CFAP20DC: variants seen among roughly 807,000 people sequenced by gnomAD.
CFAP20DC encodes protein CFAP20DC.
Under a neutral mutation model 101.7 loss-of-function variants are expected in CFAP20DC, and 84 were observed. That is an observed-to-expected ratio of 0.83 (90% CI 0.69 to 0.99). The LOEUF is 0.99. Ranked by LOEUF, CFAP20DC falls within the 50% of genes least tolerant of loss-of-function variation. The pLI, the probability that CFAP20DC is intolerant of heterozygous loss-of-function variation, is 0.00. For synonymous variants in CFAP20DC, 359 were observed against 351.2 expected (o/e 1.02, Z -0.25); for missense variants, 1,007 against 970.3 (o/e 1.04, Z -0.50).
intron 14 of CFAP20DC, among the ~76,000 whole-genome samples, chr3:58,808,165 C>A (rs1441283778): frequency 6.6e-6 from 1 of 152,106 alleles, no homozygotes; most frequent in African/African-American, 2.4e-5. Flanking sequence ...GGAGAACTTC[C>A]CCAATCTAGC....
chr3:58,945,210 T>C (rs538611411), intron 4 of CFAP20DC, among the ~76,000 whole-genome samples: 38 of 152,302 alleles, frequency 2.5e-4, no homozygotes, highest in Admixed American at 2.5e-3. Context: ...AGATTTAAAC[T>C]CAGATCTAAT....
At chr3:59,023,864 C>G (rs1001563026) in intron 4 of CFAP20DC, among the ~76,000 whole-genome samples, 3 of 152,122 alleles carry the variant, frequency 2.0e-5, no homozygotes, top group African/African-American at 7.2e-5. Flanking sequence ...GAAGGTTGAA[C>G]CATATCAGTG....
rs1404319004 is a variant in CFAP20DC at position 58,864,753 on chromosome 3, T to C, written c.1259-861A>G. On this transcript the variant is annotated intron_variant, in intron 11 of 16. Transcript: ENST00000482387. The surrounding 1 kb of genome is among the most constrained non-coding windows in gnomAD (Gnocchi z 4.7). ...TTCACAGACTAAACCAAGCAGACTT[T>C]TCAAGTAATAGTAAATTCACAGAAA... Among the ~76,000 whole-genome samples the C allele has an allele frequency of 6.6e-6, 1 of 152,192 alleles. No individual in the cohort carries two copies. The highest frequency in any genetic ancestry group is 1.5e-5 in the Non-Finnish European group (1 of 68,040).
chr3:58,851,998 C>T (rs1282210533), intron 12 of CFAP20DC, among the ~76,000 whole-genome samples: 2 of 152,260 alleles, frequency 1.3e-5, no homozygotes, highest in African/African-American at 4.8e-5. Context: ...AGCAGATGTT[C>T]TTGTTCTTTC....
At chr3:58,807,417 G>A (rs999786360) in intron 14 of CFAP20DC, among the ~76,000 whole-genome samples, 2 of 152,164 alleles carry the variant, frequency 1.3e-5, no homozygotes, top group Non-Finnish European at 2.9e-5. Flanking sequence ...ATGAAAATCC[G>A]CTGTTCTGCA....
rs1166901693 is a variant in CFAP20DC, at chr3:58,788,752, C to G, written c.2237+17643G>C. ...TCCTTTTAGCCTTGTGACCTTTGAG[C>G]CAAACTCTGTGTCTCTTGTTTCCAC... On this transcript the variant is annotated intron_variant, in intron 15 of 16. Coordinates refer to ENST00000482387, the MANE Select transcript of CFAP20DC (RefSeq NM_001394063.1). This position sits in a 1 kb window ranked among gnomAD's most constrained non-coding sequence, Gnocchi z 4.2. 6.6e-6 allele frequency among the ~76,000 whole-genome samples: 1 copy of G among 152,038 alleles called. No homozygotes were observed. The highest frequency in any genetic ancestry group is 1.5e-5 in the Non-Finnish European group (1 of 67,992).
rs989413636 is a variant in CFAP20DC, at chr3:58,869,507, C to A, written c.853-17G>T. The A allele has an allele frequency of 6.4e-7, 1 of 1,566,576 alleles. No individual in the cohort carries two copies. The highest frequency in any genetic ancestry group is 1.9e-5 in the Admixed American group (1 of 53,226). On this transcript the variant is annotated splice_polypyrimidine_tract_variant and intron_variant, in intron 8 of 16. Transcript: ENST00000482387. The surrounding 1 kb of genome is among the most constrained non-coding windows in gnomAD (Gnocchi z 4.3). ...TCTCACTGTCTGTAAAGGAATTAAT[C>A]TGTACATTTTAAAATATAGCAACTA...
chr3:58,958,274 T>TA (rs2090824189), intron 4 of CFAP20DC, among the ~76,000 whole-genome samples: 1 of 152,166 alleles, frequency 6.6e-6, no homozygotes, highest in Non-Finnish European at 1.5e-5. Context: ...CATATAAACG[T>TA]AAAAAAATAT....
chr3:59,009,611 G>A (rs867198359), intron 4 of CFAP20DC, among the ~76,000 whole-genome samples: 3 of 152,098 alleles, frequency 2.0e-5, no homozygotes, highest in South Asian at 2.1e-4. Flanking sequence ...TGGTGTTCCC[G>A]AGGAAGAAGA....
At chr3:58,816,502 C>G (rs1475342424) in intron 14 of CFAP20DC, among the ~76,000 whole-genome samples, 4 of 152,192 alleles carry the variant, frequency 2.6e-5, no homozygotes, top group Non-Finnish European at 5.9e-5. Context: ...TCAGGGAGTT[C>G]CCTTTCCGAG....
chr3:59,026,802 C>T (rs1231043454), intron 4 of CFAP20DC, among the ~76,000 whole-genome samples: 1 of 152,064 alleles, frequency 6.6e-6, no homozygotes, highest in Non-Finnish European at 1.5e-5. Flanking sequence ...ATTTTCTGAC[C>T]GCTGTCTAGC....
rs577947291 is a variant in CFAP20DC, at chr3:58,971,551, A to G, written c.279-33789T>C. ...TCATTTTTACACGAAAATCTCACACATATTTAAATAGAGGACATTTCACAG... is the reference window on the plus strand; with the variant it reads ...TCATTTTTACACGAAAATCTCACACGTATTTAAATAGAGGACATTTCACAG... On this transcript the variant is annotated intron_variant, in intron 4 of 16. Coordinates refer to ENST00000482387, the MANE Select transcript of CFAP20DC (RefSeq NM_001394063.1). The surrounding 1 kb of genome is among the most constrained non-coding windows in gnomAD (Gnocchi z 4.1). Among the ~76,000 whole-genome samples, 1 of 152,096 alleles carries G rather than the reference A, an allele frequency of 6.6e-6. No homozygotes were observed. The highest frequency in any genetic ancestry group is 1.5e-5 in the Non-Finnish European group (1 of 68,022).
rs28851771 is a variant in CFAP20DC at position 58,934,455 on chromosome 3, C to A, written c.393+3193G>T. Among the ~76,000 whole-genome samples the A allele has an allele frequency of 9.5e-3, 1,452 of 152,202 alleles. 25 individuals are homozygous for A. Among genetic ancestry groups the A allele is most frequent in the African/African-American group, 0.033 (1,365 of 41,526 alleles). On this transcript the variant is annotated intron_variant, in intron 5 of 16. Coordinates refer to ENST00000482387, the MANE Select transcript of CFAP20DC (RefSeq NM_001394063.1). Reference sequence around the variant, plus strand: ...GCATCATCCTGATACCAAAGCTGGGCAGAGACACAACCAAAAAAGAGAATT... The same window carrying A: ...GCATCATCCTGATACCAAAGCTGGGAAGAGACACAACCAAAAAAGAGAATT...
At chr3:58,765,490 C>CAAAAAAAAAAAAAAAAAAAAACAAA (rs1337049385) in intron 15 of CFAP20DC, among the ~76,000 whole-genome samples, 1 of 81,828 alleles carries the variant, frequency 1.2e-5, no homozygotes, top group African/African-American at 4.4e-5. Flanking sequence ...AAAAAAAAAC[C>CAAAAAAAAAAAAAAAAAAAAACAAA]AAAAAAAAAA....
At chr3:59,003,414 T>C (rs754264161) in intron 4 of CFAP20DC, among the ~76,000 whole-genome samples, 3 of 152,202 alleles carry the variant, frequency 2.0e-5, no homozygotes, top group Non-Finnish European at 4.4e-5. Flanking sequence ...TGCTTTTAGA[T>C]GTGCTTTAGA....
chr3:58,911,040 C>A (rs2084100000), intron 6 of CFAP20DC, among the ~76,000 whole-genome samples: 1 of 151,968 alleles, frequency 6.6e-6, no homozygotes, highest in Admixed American at 6.6e-5. Flanking sequence ...ATGTAGAACT[C>A]CATCTTATGA....
intron 4 of CFAP20DC, among the ~76,000 whole-genome samples, chr3:58,982,096 C>G (rs1391244971): frequency 6.6e-6 from 1 of 152,156 alleles, no homozygotes; most frequent in African/African-American, 2.4e-5. Flanking sequence ...AGCCAAAAGA[C>G]ACATGAAAAA....
chr3:58,974,632 A>G (rs556579416), intron 4 of CFAP20DC, among the ~76,000 whole-genome samples: 1 of 152,308 alleles, frequency 6.6e-6, no homozygotes, highest in Admixed American at 6.5e-5. Flanking sequence ...TATCTATGAT[A>G]AACATTTAAA....
intron 15 of CFAP20DC, among the ~76,000 whole-genome samples, chr3:58,763,270 C>T (rs1486659489): frequency 2.0e-5 from 3 of 151,296 alleles, no homozygotes; most frequent in African/African-American, 4.9e-5. Context: ...CTTTTCTTGT[C>T]GCTTCATTTC....
Sources: gnomAD v4.1 joint callset for allele counts (sites outside exome capture counted in the v4.1 genomes callset) on GRCh38, gnomAD v4.1.1 for gene constraint, Gnocchi (gnomAD v3.1) non-coding constraint, MANE v1.5 for transcripts, NCBI Gene and HGNC (gene_info 2026-07-23, HGNC 2026-07-21) for gene names.